The following AMMECR1 variants were observed in gnomAD, a reference collection of about 807,000 sequenced individuals.
AMMECR1 encodes the protein AMMECR nuclear protein 1.
In AMMECR1, 3 loss-of-function variants were observed where a neutral mutation model predicts 22.5. That is an observed-to-expected ratio of 0.13 (90% CI 0.06 to 0.35). AMMECR1 has a LOEUF of 0.35. Ranked by LOEUF, AMMECR1 falls within the 10% of genes least tolerant of loss-of-function variation. The probability of loss-of-function intolerance (pLI) is 1.00; values close to 1 mark genes in which losing one functional copy is unlikely to be tolerated. For synonymous variants in AMMECR1, 130 were observed against 116.7 expected (o/e 1.11, Z -0.74); for missense variants, 235 against 278.7 (o/e 0.84, Z 1.12).
intron 2 of AMMECR1, among the ~76,000 whole-genome samples, chrX:110,362,603 T>C (rs2068271349): frequency 8.9e-6 from 1 of 112,130 alleles, no homozygotes; most frequent in African/African-American, 3.2e-5. Flanking sequence ...ATGTGAATGG[T>C]TTGTTCTGAA....
chrX:110,334,729 G>C (rs1478612757), intron 2 of AMMECR1, among the ~76,000 whole-genome samples: 1 of 111,987 alleles, frequency 8.9e-6, no homozygotes, highest in East Asian at 2.8e-4. Context: ...TCAATAATTT[G>C]ATCTTTACTG....
Position 110,317,779 on chromosome X carries a change from G to A in AMMECR1, c.293C>T (p.Ser98Phe). Reference protein sequence around the residue: ...PPSCGVGTLLSTPAAATSSSP... With the variant: ...PPSCGVGTLLFTPAAATSSSP... Reference sequence around the variant, plus strand: ...GGAAGAGGTGGCGGCGGCCGGGGTAGAAAGTAGGGTCCCCACTCCGCAGCT... The same window carrying A: ...GGAAGAGGTGGCGGCGGCCGGGGTAAAAAGTAGGGTCCCCACTCCGCAGCT... Residue 98 changes from serine to phenylalanine, a missense_variant, in exon 1 of 6, where the codon TCT becomes TTT. Ser to Phe is a radical substitution (Grantham distance 155, BLOSUM62 -2). Coordinates refer to ENST00000262844, the MANE Select transcript of AMMECR1 (RefSeq NM_015365.3). 3 of 1,174,934 alleles carry A rather than the reference G, an allele frequency of 2.6e-6. No individual in the cohort carries two copies. The highest frequency in any genetic ancestry group is 3.5e-5 in the African/African-American group (2 of 56,656).
At chrX:110,225,061 A>G (rs747922101) in intron 2 of AMMECR1, 6 of 373,010 alleles carry the variant, frequency 1.6e-5, no homozygotes, top group South Asian at 1.4e-4. Flanking sequence ...CATCACCAGG[A>G]TCCAAACAGT....
At chrX:110,354,850 C>T (rs748434927) in intron 2 of AMMECR1, among the ~76,000 whole-genome samples, 2 of 112,009 alleles carry the variant, frequency 1.8e-5, no homozygotes, top group South Asian at 7.4e-4. Context: ...AATAAATAAA[C>T]TTGAACATAC....
At chrX:110,256,951 T>A (rs1296547534) in intron 2 of AMMECR1, among the ~76,000 whole-genome samples, 3 of 111,674 alleles carry the variant, frequency 2.7e-5, no homozygotes, top group African/African-American at 9.8e-5. Context: ...TGCATGATAA[T>A]CACCTTTAGT....
chrX:110,251,080 A>G (rs2067684238), intron 2 of AMMECR1, among the ~76,000 whole-genome samples: 1 of 112,063 alleles, frequency 8.9e-6, no homozygotes, highest in Non-Finnish European at 1.9e-5. Flanking sequence ...AAGCTAACAT[A>G]TGCAAACAGA....
intron 1 of AMMECR1, chrX:110,309,632 C>G (rs1371054866): frequency 8.9e-6 from 1 of 112,126 alleles, no homozygotes; most frequent in African/African-American, 3.2e-5. Context: ...TTTACTCAAG[C>G]AGAACTTTTC....
In AMMECR1 at chrX:110,281,874, C is replaced by T. The variant is rs186258704; in HGVS notation, c.474-17275G>A. 7.5e-4 allele frequency among the ~76,000 whole-genome samples: 84 copies of T among 112,577 alleles called. 1 individual carries two copies. Among genetic ancestry groups the T allele is most frequent in the Non-Finnish European group, 1.4e-3 (76 of 53,279 alleles). ...TTTGCTTATTTCCTATCCACTACAG[C>T]GTAAGCTCCAAGAAAACAGAGGTTG... On this transcript the variant is annotated intron_variant, in intron 1 of 5. Transcript: ENST00000262844.
In AMMECR1 at chrX:110,318,051, C is replaced by A. The variant is rs752317138; in HGVS notation, c.21G>T (p.Gly7=). The part of the protein sequence containing the change: MAAGCC[G]VKKQKLSSSP... Reference sequence around the variant, plus strand: ...AACTGGACAGTTTCTGCTTCTTCACCCCGCAGCAACCCGCCGCCATCTTGG... The same window carrying A: ...AACTGGACAGTTTCTGCTTCTTCACACCGCAGCAACCCGCCGCCATCTTGG... The change falls in exon 1 of 6, where the codon GGG becomes GGT. Residue 7 remains glycine (G), a synonymous_variant. Transcript: ENST00000262844. The A allele has an allele frequency of 1.7e-6, 2 of 1,199,343 alleles. No homozygotes were observed. The highest frequency in any genetic ancestry group is 1.8e-5 in the South Asian group (1 of 55,103).
intron 3 of AMMECR1, among the ~76,000 whole-genome samples, chrX:110,204,971 C>T (rs765227111): frequency 1.8e-5 from 2 of 111,489 alleles, no homozygotes; most frequent in Admixed American, 9.5e-5. Flanking sequence ...AATTGAAAGC[C>T]CCTGTAAATT....
intron 2 of AMMECR1, among the ~76,000 whole-genome samples, chrX:110,366,905 A>G (rs1184588050): frequency 9.0e-6 from 1 of 111,492 alleles, no homozygotes; most frequent in Non-Finnish European, 1.9e-5. Context: ...GCTTTTTTAC[A>G]TCTTTCCTTT....
intron 2 of AMMECR1, among the ~76,000 whole-genome samples, chrX:110,401,236 G>C (rs1475687582): frequency 1.8e-5 from 2 of 111,364 alleles, no homozygotes; most frequent in Non-Finnish European, 3.8e-5. Flanking sequence ...TCCCTCGCTT[G>C]TGTGTATGGT....
chrX:110,253,769 C>T (rs2148192890), intron 2 of AMMECR1, among the ~76,000 whole-genome samples: 1 of 111,774 alleles, frequency 8.9e-6, no homozygotes, highest in Admixed American at 9.5e-5. Context: ...GAAGTCCAAC[C>T]TGTGTTGTCA....
At chrX:110,282,620 G>C (rs1475303370) in intron 1 of AMMECR1, among the ~76,000 whole-genome samples, 1 of 111,785 alleles carries the variant, frequency 8.9e-6, no homozygotes, top group East Asian at 2.8e-4. Flanking sequence ...TGGATACCTT[G>C]AAGAAGTAGG....
In AMMECR1 at chrX:110,343,087, T is replaced by C. The variant is rs2068171810; in HGVS notation, c.-147-25238A>G. On this transcript the variant is annotated intron_variant, in intron 2 of 7. Transcript: ENST00000372057. ...TCCCTGATGAACACTGATGCAAAAA[T>C]CCTCAATAAAACACTGGCAAACTGA... Among the ~76,000 whole-genome samples, 4 of 111,465 alleles carry C rather than the reference T, an allele frequency of 3.6e-5. No individual in the cohort carries two copies. In the South Asian group the frequency reaches 1.5e-3, roughly 42 times the overall value.
chrX:110,414,318 T>C (rs1007586396), intron 2 of AMMECR1, among the ~76,000 whole-genome samples: 2 of 112,433 alleles, frequency 1.8e-5, no homozygotes, highest in South Asian at 7.5e-4. Flanking sequence ...CTTTCTCCAC[T>C]GCCCTCTGGA....
intron 2 of AMMECR1, among the ~76,000 whole-genome samples, chrX:110,408,409 G>A (rs1460450017): frequency 8.9e-6 from 1 of 112,508 alleles, no homozygotes; most frequent in Admixed American, 9.4e-5. Context: ...GTTCTCCAAC[G>A]CCCACGACAG....
At chrX:110,282,323 G>C (rs909622467) in intron 1 of AMMECR1, among the ~76,000 whole-genome samples, 5 of 110,429 alleles carry the variant, frequency 4.5e-5, no homozygotes, top group African/African-American at 6.6e-5. Flanking sequence ...AGGGAAAGGA[G>C]GGGTGTCAGA....
At chrX:110,240,383 CA>C (rs201985833) in intron 2 of AMMECR1, among the ~76,000 whole-genome samples, 87 of 10,751 alleles carry the variant, frequency 8.1e-3, no homozygotes, top group Admixed American at 0.05. Context: ...AAATGGAAAG[CA>C]AAAAAAAAAA....
Sources: gnomAD v4.1 joint callset for allele counts (sites outside exome capture counted in the v4.1 genomes callset) on GRCh38, gnomAD v4.1.1 for gene constraint, MANE v1.5 for transcripts, NCBI Gene and HGNC (gene_info 2026-07-23, HGNC 2026-07-21) for gene names.